PTPN11: variants seen among roughly 807,000 people sequenced by gnomAD.
PTPN11 encodes protein tyrosine phosphatase non-receptor type 11, also known as tyrosine-protein phosphatase non-receptor type 11.
A neutral mutation model predicts 78.8 loss-of-function variants in PTPN11; 6 were observed. The ratio of observed to expected loss-of-function variants is 0.08; its 90% CI spans 0.04 to 0.15. PTPN11 has a LOEUF of 0.15. Among genes scored for constraint, PTPN11 ranks in the 10% least tolerant of loss-of-function variants. The pLI is 1.00. For missense variants in PTPN11, 386 were observed against 744.8 expected (o/e 0.52, Z 5.61); for synonymous variants, 221 against 263.5 (o/e 0.84, Z 1.56).
chr12:112,458,996 G>T (rs2038206502), intron 6 of PTPN11, among the ~76,000 whole-genome samples: 1 of 151,452 alleles, frequency 6.6e-6, no homozygotes, highest in African/African-American at 2.4e-5. Context: ...TCACGTCACT[G>T]CTCTCCAGCC....
chr12:112,477,183 A>G (rs1395497407), intron 7 of PTPN11, among the ~76,000 whole-genome samples: 1 of 151,972 alleles, frequency 6.6e-6, no homozygotes, highest in Non-Finnish European at 1.5e-5. Context: ...TGCCTGGCTA[A>G]TTTTTGTATT....
intron 10 of PTPN11, 121 bp from the exon 11 acceptor site, chr12:112,486,354 T>G (rs2038675564): frequency 9.4e-7 from 1 of 1,058,700 alleles, no homozygotes. Context: ...AGAGGACCTT[T>G]CAGTGGAACC....
intron 3 of PTPN11, among the ~76,000 whole-genome samples, chr12:112,452,690 G>T (rs1460071687): frequency 3.3e-5 from 5 of 152,082 alleles, no homozygotes; most frequent in Admixed American, 2.6e-4. Flanking sequence ...ACCATGCCAG[G>T]CTAATTTTTA....
intron 7 of PTPN11, among the ~76,000 whole-genome samples, chr12:112,474,730 C>T (rs2038472344): frequency 6.6e-6 from 1 of 152,112 alleles, no homozygotes; most frequent in Non-Finnish European, 1.5e-5. Flanking sequence ...TCCTTCCCAC[C>T]CCAGCCTGCA....
intron 1 of PTPN11, among the ~76,000 whole-genome samples, chr12:112,439,708 G>C (rs906918377): frequency 6.6e-6 from 1 of 150,992 alleles, no homozygotes; most frequent in Non-Finnish European, 1.5e-5. Flanking sequence ...GACCTCAGGT[G>C]ATCTACCTGC....
At chr12:112,461,554 T>C (rs2038249238) in intron 6 of PTPN11, among the ~76,000 whole-genome samples, 1 of 152,126 alleles carries the variant, frequency 6.6e-6, no homozygotes, top group African/African-American at 2.4e-5. Context: ...CTTGAATGTC[T>C]GGGCTCAAGC....
At chr12:112,490,832 G>A (rs769171759) in intron 13 of PTPN11, among the ~76,000 whole-genome samples, 7 of 152,154 alleles carry the variant, frequency 4.6e-5, no homozygotes, top group Non-Finnish European at 1.0e-4. Flanking sequence ...GCGTTGTGTG[G>A]TTTGAATCAA....
At chr12:112,459,899 C>G (rs1224890632) in intron 6 of PTPN11, among the ~76,000 whole-genome samples, 1 of 148,952 alleles carries the variant, frequency 6.7e-6, no homozygotes, top group Admixed American at 6.7e-5. Flanking sequence ...GTCACATTTT[C>G]CTGATTGCTA....
Position 112,454,668 on chromosome 12 carries a change from A to G in PTPN11, c.630A>G (p.Leu210=), listed in dbSNP as rs778919108. ...NPMVETLGTV[L]QLKQPLNTTR... ...TGGTGGAAACATTGGGTACAGTACTACAACTCAAGCAGGTGAGCAGATTGG... is the reference window on the plus strand; with the variant it reads ...TGGTGGAAACATTGGGTACAGTACTGCAACTCAAGCAGGTGAGCAGATTGG... The change falls in exon 5 of 16, where the codon CTA becomes CTG. Residue 210 remains leucine, a synonymous_variant. Transcript: ENST00000351677. 3 of 1,609,436 alleles carry G rather than the reference A, an allele frequency of 1.9e-6. No homozygotes were observed. The highest frequency in any genetic ancestry group is 2.6e-6 in the Non-Finnish European group (3 of 1,175,784).
chr12:112,490,061 C>T (rs974062645), intron 13 of PTPN11, among the ~76,000 whole-genome samples: 1 of 152,144 alleles, frequency 6.6e-6, no homozygotes, highest in African/African-American at 2.4e-5. Context: ...ACATAGACAT[C>T]TTCAGAAACA....
intron 9 of PTPN11, 66 bp downstream of exon 9, chr12:112,478,081 T>G: frequency 6.5e-7 from 1 of 1,545,324 alleles, no homozygotes; most frequent in Non-Finnish European, 8.9e-7. Context: ...AGATTGGCCA[T>G]GTTTAGGAAT....
At chr12:112,495,186 C>T (rs1432334055) in intron 13 of PTPN11, among the ~76,000 whole-genome samples, 1 of 152,176 alleles carries the variant, frequency 6.6e-6, no homozygotes, top group Non-Finnish European at 1.5e-5. Context: ...AAAACATTAA[C>T]ATCAATACAT....
chr12:112,492,308 C>A (rs56944712), intron 13 of PTPN11, among the ~76,000 whole-genome samples: 2 of 152,066 alleles, frequency 1.3e-5, no homozygotes, highest in Non-Finnish European at 2.9e-5. Context: ...AATTTGTCCA[C>A]CGTAAAGTTA....
chr12:112,506,204 G>A lies in PTPN11; in HGVS notation c.*412G>A, dbSNP rs1262105850. 1.3e-5 allele frequency: 2 copies of A among 151,996 alleles called. No homozygotes were observed. The highest frequency in any genetic ancestry group is 4.8e-5 in the African/African-American group (2 of 41,388). The allele number at this position is 151,996 out of a possible 1,614,324, so 9.4% of individuals were successfully genotyped here. A position where few individuals can be genotyped will look rare whatever the true frequency, so the allele number is the denominator to read the frequency against. On this transcript the variant is annotated 3_prime_UTR_variant, in exon 16 of 16. Coordinates refer to ENST00000351677, the MANE Select transcript of PTPN11 (RefSeq NM_002834.5). Reference sequence around the variant, plus strand: ...TTTTTTTTTCCTCATTGTTGGGGATGATGAGAAGAAATGATTTGGGAAAAT... The same window carrying A: ...TTTTTTTTTCCTCATTGTTGGGGATAATGAGAAGAAATGATTTGGGAAAAT...
rs1361685760 is a variant in PTPN11, at chr12:112,474,080, G to T, written c.853+1040G>T. ...CAGTTTTTCTGTAGGCCGGCGCAGT[G>T]GCTTACGCCTGTAATCCCAGCACCC... On this transcript the variant is annotated intron_variant, in intron 7 of 15. Transcript: ENST00000351677. Among the ~76,000 whole-genome samples, 6 of 152,070 alleles carry T rather than the reference G, an allele frequency of 3.9e-5. 1 individual carries two copies. Among genetic ancestry groups the T allele is most frequent in the Admixed American group, 3.9e-4 (6 of 15,282 alleles).
chr12:112,434,251 A>G (rs566597218), intron 1 of PTPN11, among the ~76,000 whole-genome samples: 1 of 151,890 alleles, frequency 6.6e-6, no homozygotes, highest in African/African-American at 2.4e-5. Context: ...CTGCACTCCA[A>G]CCTGCGCAAC....
At position 112,496,803 on chromosome 12, in the gene PTPN11, C is replaced by T. The variant is rs147177125; in HGVS notation, c.1600-5341C>T. Among the ~76,000 whole-genome samples, 184 of 152,310 alleles carry T rather than the reference C, an allele frequency of 1.2e-3. 1 individual carries two copies. Among genetic ancestry groups the T allele is most frequent in the Middle Eastern group, 3.4e-3 (1 of 294 alleles). ...TTGTTTGAAGGAAATACATACAACA[C>T]AGGTAGCGTCTCTACACTTCAGTAT... is the stretch of plus-strand genomic sequence containing the variant. On this transcript the variant is annotated intron_variant, in intron 13 of 15. Coordinates refer to ENST00000351677, the MANE Select transcript of PTPN11 (RefSeq NM_002834.5).
At chr12:112,425,821 T>C (rs2037608035) in intron 1 of PTPN11, among the ~76,000 whole-genome samples, 1 of 152,168 alleles carries the variant, frequency 6.6e-6, no homozygotes, top group African/African-American at 2.4e-5. Flanking sequence ...CTCAACCTCC[T>C]GGGCTCAAGG....
At chr12:112,419,819 AC>A (rs1371502282) in intron 1 of PTPN11, among the ~76,000 whole-genome samples, 1 of 152,166 alleles carries the variant, frequency 6.6e-6, no homozygotes, top group Non-Finnish European at 1.5e-5. Context: ...CTTTACTGGT[AC>A]CCGTTTTATG....
Sources: allele counts gnomAD v4.1 joint callset (sites outside exome capture counted in the v4.1 genomes callset), GRCh38; gene constraint gnomAD v4.1.1; transcripts MANE v1.5; gene names NCBI Gene and HGNC (gene_info 2026-07-23, HGNC 2026-07-21).